Variants in LIMK2 observed in about 807,000 individuals in gnomAD.
LIMK2 encodes the protein LIM domain kinase 2.
Under a neutral mutation model 75.7 loss-of-function variants are expected in LIMK2, and 35 were observed. The observed-to-expected ratio is 0.46, with a 90% confidence interval of 0.35 to 0.61. The LOEUF is 0.61. Ranked by LOEUF, LIMK2 falls within the 20% of genes least tolerant of loss-of-function variation. The pLI is 0.00. For missense variants in LIMK2, 623 were observed against 831.0 expected (o/e 0.75, Z 3.08); for synonymous variants, 301 against 319.2 (o/e 0.94, Z 0.61).
At chr22:31,248,368 C>A in intron 2 of LIMK2, 2 of 1,287,556 alleles carry the variant, frequency 1.6e-6, no homozygotes, top group South Asian at 2.6e-5. Flanking sequence ...AACTTGACAG[C>A]AGCGCTTCTT....
intron 15 of LIMK2, among the ~76,000 whole-genome samples, chr22:31,275,977 T>C (rs1393010160): frequency 6.6e-6 from 1 of 152,216 alleles, no homozygotes; most frequent in Non-Finnish European, 1.5e-5. Context: ...GGCTCACACC[T>C]GTAATCCCAG....
rs374161146 is a variant in LIMK2, at chr22:31,245,026, TG to T, written c.117-13260del. On this transcript the variant is annotated intron_variant, in intron 2 of 15. Transcript: ENST00000331728. ...GAAAAATCACAGCACTGTGGAATAG[TG>T]GGGGTTAAAATTCATTCATACAAGT... 1.3e-4 allele frequency among the ~76,000 whole-genome samples: 20 copies of T among 152,302 alleles called. No homozygotes were observed. In the East Asian group the frequency reaches 2.1e-3, roughly 16 times the overall value.
chr22:31,278,326 T>C lies in LIMK2; in HGVS notation c.1802T>C (p.Phe601Ser). ...RPAFSKLEDS[F>S]EALSLYLGEL... ...GCATTCTCGAAATTGGAGGACTCCT[T>C]TGAGGCCCTCTCCCTGTACCTGGGG... The change falls in exon 16 of 16, where the codon TTT (phenylalanine) becomes TCT (serine). Residue 601 changes from phenylalanine (F) to serine (S), a missense_variant. This residue lies in a region of LIMK2 where 46 missense variants were observed against 46.9 expected (regional missense o/e 0.98). Transcript: ENST00000331728. 6.2e-7 allele frequency: 1 copy of C among 1,613,570 alleles called. No homozygotes were observed. The highest frequency in any genetic ancestry group is 8.5e-7 in the Non-Finnish European group (1 of 1,179,776).
intron 2 of LIMK2, among the ~76,000 whole-genome samples, chr22:31,252,933 A>C (rs1212820508): frequency 6.6e-6 from 1 of 152,220 alleles, no homozygotes; most frequent in African/African-American, 2.4e-5. Context: ...GAAAGAGAAA[A>C]TCTCAACTGA....
intron 2 of LIMK2, among the ~76,000 whole-genome samples, chr22:31,238,898 G>T (rs775504139): frequency 2.0e-5 from 3 of 152,150 alleles, no homozygotes; most frequent in Non-Finnish European, 4.4e-5. Context: ...ATTTTTCCCA[G>T]TGCAGCCTGG....
Position 31,272,661 on chromosome 22 carries a change from G to A in LIMK2, c.1515G>A (p.Thr505=), listed in dbSNP as rs374772178. ...LRKNDRKKRY[T]VVGNPYWMAP... The stretch of plus-strand genomic sequence containing the variant: ...AGAACGACCGCAAGAAGCGCTACAC[G>A]GTGGTGGGAAACCCCTACTGGATGG... Residue 505 remains threonine (T), a synonymous_variant, in exon 13 of 16, where the codon ACG becomes ACA. Coordinates refer to ENST00000331728, the MANE Select transcript of LIMK2 (RefSeq NM_005569.4). 14 of 1,613,280 alleles carry A rather than the reference G, an allele frequency of 8.7e-6. No homozygotes were observed. The highest frequency in any genetic ancestry group is 1.6e-4 in the Middle Eastern group (1 of 6,074).
At chr22:31,239,573 G>T (rs111591740) in intron 2 of LIMK2, among the ~76,000 whole-genome samples, 2,735 of 152,248 alleles carry the variant, frequency 0.018, 85 homozygotes, top group African/African-American at 0.06. Context: ...GGAGCCCCCC[G>T]CCAAATCCAC....
intron 13 of LIMK2, 28 bp from the exon 14 acceptor site, chr22:31,273,423 TA>T: frequency 6.2e-7 from 1 of 1,603,626 alleles, no homozygotes; most frequent in Non-Finnish European, 8.5e-7. Flanking sequence ...GATGTAAACT[TA>T]ACAGTGTGCT....
At position 31,262,588 on chromosome 22, in the gene LIMK2, G is replaced by A. The variant is rs1244638272; in HGVS notation, c.658-7G>A. 1 of 1,607,584 alleles carries A rather than the reference G, an allele frequency of 6.2e-7. No individual in the cohort carries two copies. Among genetic ancestry groups the A allele is most frequent in the South Asian group, 1.1e-5 (1 of 90,404 alleles). On this transcript the variant is annotated splice_polypyrimidine_tract_variant and splice_region_variant and intron_variant, in intron 6 of 15. Coordinates refer to ENST00000331728, the MANE Select transcript of LIMK2 (RefSeq NM_005569.4). The surrounding 1 kb of genome is among the most constrained non-coding windows in gnomAD (Gnocchi z 5.0). Reference sequence around the variant, plus strand: ...CTGTGGGAGCTTTATACTGCTCTTGGCCACAGGTGGAGGATGCAATTAGCC... The same window carrying A: ...CTGTGGGAGCTTTATACTGCTCTTGACCACAGGTGGAGGATGCAATTAGCC...
At chr22:31,241,526 C>T (rs962261559) in intron 2 of LIMK2, among the ~76,000 whole-genome samples, 2 of 152,144 alleles carry the variant, frequency 1.3e-5, no homozygotes, top group Non-Finnish European at 2.9e-5. Flanking sequence ...CTCCTTTTTC[C>T]AGGCCCTGCT....
At chr22:31,212,449 T>C in intron 1 of LIMK2, 25 bp downstream of exon 1, 1 of 1,319,096 alleles carries the variant, frequency 7.6e-7, no homozygotes. Context: ...CTCCGCCCTG[T>C]CCCGCTGTTA....
chr22:31,238,447 C>A (rs1348081972), intron 2 of LIMK2, among the ~76,000 whole-genome samples: 1 of 152,120 alleles, frequency 6.6e-6, no homozygotes, highest in African/African-American at 2.4e-5. Flanking sequence ...TATGAGTGTT[C>A]TGATTTTAAT....
intron 14 of LIMK2, among the ~76,000 whole-genome samples, chr22:31,274,432 AC>A: frequency 6.6e-6 from 1 of 151,924 alleles, no homozygotes; most frequent in Non-Finnish European, 1.5e-5. Context: ...ATGGAGTTTC[AC>A]TCTGTCACCC....
rs879290299 is a variant in LIMK2, at chr22:31,246,171, ACACG to A, written c.117-12108_117-12105del. Among the ~76,000 whole-genome samples, 290 of 132,612 alleles carry A rather than the reference ACACG, an allele frequency of 2.2e-3. 2 individuals are homozygous for A. The highest frequency in any genetic ancestry group is 6.5e-3 in the African/African-American group (206 of 31,614). 87.0% of individuals were successfully genotyped at this position (132,612 alleles called of 152,430 possible). ...CTGGGCAACAGAGCGAGACTCCGAC[ACACG>A]CACGCACGCACACACACACACACAC... On this transcript the variant is annotated intron_variant, in intron 2 of 15. Coordinates refer to ENST00000331728, the MANE Select transcript of LIMK2 (RefSeq NM_005569.4).
intron 2 of LIMK2, among the ~76,000 whole-genome samples, chr22:31,237,329 C>T (rs1466410411): frequency 2.0e-5 from 3 of 151,098 alleles, no homozygotes; most frequent in East Asian, 1.9e-4. Flanking sequence ...TTTGGGAGGT[C>T]GAGGCGGGCG....
chr22:31,262,468 C>T lies in LIMK2; in HGVS notation c.658-127C>T, dbSNP rs558712935. On this transcript the variant is annotated intron_variant, in intron 6 of 15. Transcript: ENST00000331728. The surrounding 1 kb of genome is among the most constrained non-coding windows in gnomAD (Gnocchi z 5.0). ...CCAGGCAGAGGGCACTGTGAGGCCA[C>T]TGGCAGCTAAAGGCCACCATTAGAC... 4.3e-4 allele frequency: 405 copies of T among 951,060 alleles called. 1 individual carries two copies. The Middle Eastern group carries it at 4.8e-3, about 11-fold the overall frequency. The allele number at this position is 951,060 out of a possible 1,614,324, so 58.9% of individuals were successfully genotyped here.
At chr22:31,252,542 T>TAAA (rs5844940) in intron 2 of LIMK2, among the ~76,000 whole-genome samples, 77 of 138,266 alleles carry the variant, frequency 5.6e-4, no homozygotes, top group African/African-American at 1.6e-3. Flanking sequence ...CTCTGTCTCT[T>TAAA]AAAAAAAAAA....
chr22:31,227,894 T>C lies in LIMK2; in HGVS notation c.116+2075T>C, dbSNP rs116528708. 5.1e-3 allele frequency among the ~76,000 whole-genome samples: 784 copies of C among 152,314 alleles called. 5 individuals are homozygous for C. The highest frequency in any genetic ancestry group is 0.018 in the African/African-American group (745 of 41,578). On this transcript the variant is annotated intron_variant, in intron 2 of 15. Transcript: ENST00000331728. ...CCCACTATATGGTATAACCCATTCATATCACAGATGAGGCCTGAAACCAAA... is the reference window on the plus strand; with the variant it reads ...CCCACTATATGGTATAACCCATTCACATCACAGATGAGGCCTGAAACCAAA...
chr22:31,231,337 C>T (rs2048526630), intron 2 of LIMK2, among the ~76,000 whole-genome samples: 1 of 152,234 alleles, frequency 6.6e-6, no homozygotes, highest in African/African-American at 2.4e-5. Context: ...GTCAGTGGAG[C>T]AACCCTGCCA....
Sources: gnomAD v4.1 joint callset for allele counts (sites outside exome capture counted in the v4.1 genomes callset) on GRCh38, gnomAD v4.1.1 for gene constraint, gnomAD v4.1.1 regional missense constraint, Gnocchi (gnomAD v3.1) non-coding constraint, MANE v1.5 for transcripts, NCBI Gene and HGNC (gene_info 2026-07-23, HGNC 2026-07-21) for gene names.